Variants in LIFR observed in about 807,000 individuals in gnomAD.
LIFR encodes the protein leukemia inhibitory factor receptor.
In LIFR, 84 loss-of-function variants were observed where a neutral mutation model predicts 122.2. The observed-to-expected ratio is 0.69, with a 90% CI of 0.58 to 0.82. The LOEUF (loss-of-function observed/expected upper bound fraction) is 0.82. Among genes scored for constraint, LIFR ranks in the 40% least tolerant of loss-of-function variants. LIFR has a pLI of 0.00. For synonymous variants in LIFR, 422 were observed against 434.7 expected, an observed-to-expected ratio of 0.97 and a Z score of 0.36; for missense variants, 1,294 against 1,311.6, an observed-to-expected ratio of 0.99 and a Z score of 0.21.
At chr5:38,600,070 A>G (rs1221034482), upstream of LIFR, among the ~76,000 whole-genome samples, 1 of 152,222 alleles carries the variant, frequency 6.6e-6, no homozygotes, top group Non-Finnish European at 1.5e-5. Context: ...ACAATCCCTT[A>G]TCTTAACCCA....
At chr5:38,489,340 A>C in intron 15 of LIFR, 95 bp from the exon 16 acceptor site, 1 of 982,684 alleles carries the variant, frequency 1.0e-6, no homozygotes, top group Non-Finnish European at 1.6e-6. Context: ...AAAATAATTC[A>C]ACTTGGAATT....
intron 18 of LIFR, 22 bp downstream of exon 18, chr5:38,484,753 A>G (rs1396638495): frequency 1.2e-5 from 18 of 1,488,154 alleles, no homozygotes; most frequent in Non-Finnish European, 1.4e-5. Flanking sequence ...GAAAACAGCA[A>G]GAGTAAATGC....
At chr5:38,500,603 A>G (rs992176046) in intron 11 of LIFR, among the ~76,000 whole-genome samples, 1 of 152,196 alleles carries the variant, frequency 6.6e-6, no homozygotes, top group Non-Finnish European at 1.5e-5. Context: ...TGGATCTTGG[A>G]GCATTTCAGG....
intron 3 of LIFR, 152 bp from the exon 4 acceptor site, chr5:38,527,446 AC>A: frequency 1.7e-6 from 1 of 605,460 alleles, no homozygotes; most frequent in Non-Finnish European, 2.9e-6. Flanking sequence ...GACTGAAAAA[AC>A]AGATTGATAG....
chr5:38,587,586 C>T (rs1268425546), intron 1 of LIFR, among the ~76,000 whole-genome samples: 2 of 152,012 alleles, frequency 1.3e-5, no homozygotes, highest in Non-Finnish European at 2.9e-5. Context: ...GAACTTTATC[C>T]TAAAGGCAGT....
intron 1 of LIFR, among the ~76,000 whole-genome samples, chr5:38,591,038 A>G (rs1278535898): frequency 2.0e-5 from 3 of 152,240 alleles, no homozygotes; most frequent in Non-Finnish European, 2.9e-5. Context: ...TAATGGTGCC[A>G]AGGATTCTGA....
chr5:38,506,582 C>G lies in LIFR; in HGVS notation c.1042G>C (p.Glu348Gln). The change falls in exon 8 of 20, where the codon GAA becomes CAA. Residue 348 changes from glutamate (E) to glutamine (Q), a missense_variant. Glu to Gln is a conservative substitution (Grantham distance 29, BLOSUM62 2). Coordinates refer to ENST00000453190, the MANE Select transcript of LIFR (RefSeq NM_001127671.2). Reference protein sequence around the residue: ...QLNCETHDLKEIICSWNPGRV... With the variant: ...QLNCETHDLKQIICSWNPGRV... ...CCTGGATTCCAACTACATATAATTT[C>G]TTTTAAATCATGTGTCTCACAATTC... is the stretch of plus-strand genomic sequence containing the variant. 1 of 1,613,462 alleles carries G rather than the reference C, an allele frequency of 6.2e-7. No individual in the cohort carries two copies. The highest frequency in any genetic ancestry group is 8.5e-7 in the Non-Finnish European group (1 of 1,179,472).
chr5:38,556,220 G>C (rs1748530193), intron 1 of LIFR, 114 bp downstream of exon 1: 1 of 151,924 alleles, frequency 6.6e-6, no homozygotes, highest in Non-Finnish European at 1.5e-5. Context: ...CCCCTAGGAC[G>C]CTCCGCAGAG....
intron 18 of LIFR, among the ~76,000 whole-genome samples, chr5:38,482,903 T>G (rs1421813495): frequency 6.6e-6 from 1 of 152,174 alleles, no homozygotes; most frequent in Non-Finnish European, 1.5e-5. Context: ...TACCCATGTA[T>G]CTCATGAAAA....
chr5:38,578,496 A>G (rs59579854), intron 1 of LIFR, among the ~76,000 whole-genome samples: 17,940 of 150,990 alleles, frequency 0.12, 2,965 homozygotes, highest in African/African-American at 0.37. Flanking sequence ...ATGAGACACC[A>G]CGCCCAACCA....
At chr5:38,519,298 G>A (rs1403975063) in intron 5 of LIFR, among the ~76,000 whole-genome samples, 2 of 152,148 alleles carry the variant, frequency 1.3e-5, no homozygotes, top group Non-Finnish European at 2.9e-5. Context: ...TTCACGGTAA[G>A]TGCCTTATAC....
At chr5:38,549,293 T>C (rs572847018) in intron 1 of LIFR, among the ~76,000 whole-genome samples, 2 of 150,000 alleles carry the variant, frequency 1.3e-5, no homozygotes, top group South Asian at 4.3e-4. Flanking sequence ...ACACACTCCA[T>C]AAGCAAAAAC....
In LIFR at chr5:38,485,949, A is replaced by G. The variant is rs1445136859; in HGVS notation, c.2367T>C (p.Thr789=). Residue 789 remains threonine (T), a synonymous_variant, in exon 17 of 20, where the codon ACT becomes ACC. Coordinates refer to ENST00000453190, the MANE Select transcript of LIFR (RefSeq NM_001127671.2). ...TTCTCAGTGTCTTCTGGGATATGTC[A>G]GTAATATTCTTAACTTTTATGTCAG... ...GRSDIKVKNI[T]DISQKTLRIA... The G allele has an allele frequency of 6.2e-7, 1 of 1,613,574 alleles. No individual in the cohort carries two copies. The highest frequency in any genetic ancestry group is 2.2e-5 in the East Asian group (1 of 44,898).
In LIFR at chr5:38,492,670, C is replaced by T. The variant is rs150899795; in HGVS notation, c.2065+936G>A. Among the ~76,000 whole-genome samples, 434 of 152,250 alleles carry T rather than the reference C, an allele frequency of 2.9e-3. 2 individuals are homozygous for T. The highest frequency in any genetic ancestry group is 5.0e-3 in the Admixed American group (77 of 15,302). On this transcript the variant is annotated intron_variant, in intron 14 of 19. Coordinates refer to ENST00000453190, the MANE Select transcript of LIFR (RefSeq NM_001127671.2). The stretch of plus-strand genomic sequence containing the variant: ...TGATAATCCAATGAATGGGACCCAT[C>T]CTCATCATCTGAGAGAGAAACAGTA...
chr5:38,593,244 A>C (rs1037258385), intron 1 of LIFR, among the ~76,000 whole-genome samples: 1 of 151,994 alleles, frequency 6.6e-6, no homozygotes, highest in South Asian at 2.1e-4. Context: ...CAAACAAAAA[A>C]CATAAAAAAG....
At chr5:38,593,132 G>A (rs1352302204) in intron 1 of LIFR, among the ~76,000 whole-genome samples, 1 of 152,170 alleles carries the variant, frequency 6.6e-6, no homozygotes, top group African/African-American at 2.4e-5. Flanking sequence ...GAACCCAGGA[G>A]GCGGAGGTTG....
rs1044238703 is a variant in LIFR, at chr5:38,570,971, G to A, written c.-20+24290C>T. Among the ~76,000 whole-genome samples the A allele has an allele frequency of 5.3e-5, 8 of 152,088 alleles. No individual in the cohort carries two copies. The East Asian group carries it at 1.5e-3, about 29-fold the overall frequency. On this transcript the variant is annotated intron_variant, in intron 1 of 19. Coordinates refer to the LIFR transcript ENST00000263409. ...TTCATTCATTACTCAAAAGCCATTT[G>A]TGAGCCTCTTTTATGTACGAAGCAC...
chr5:38,494,655 G>T (rs1242467282), intron 13 of LIFR, among the ~76,000 whole-genome samples: 3 of 152,172 alleles, frequency 2.0e-5, no homozygotes, highest in Non-Finnish European at 4.4e-5. Context: ...GAGAAAAGAG[G>T]TAGATTTTAT....
At chr5:38,542,023 G>A (rs979948597) in intron 1 of LIFR, among the ~76,000 whole-genome samples, 4 of 152,000 alleles carry the variant, frequency 2.6e-5, no homozygotes, top group Non-Finnish European at 4.4e-5. Context: ...GTCCTCCAGT[G>A]GTATTAAAAT....
Sources: gnomAD v4.1 joint callset for allele counts (sites outside exome capture counted in the v4.1 genomes callset) on GRCh38, gnomAD v4.1.1 for gene constraint, MANE v1.5 for transcripts, NCBI Gene and HGNC (gene_info 2026-07-23, HGNC 2026-07-21) for gene names.